Variants in PHLPP2 observed in about 807,000 individuals in gnomAD.
The protein encoded by PHLPP2 is PH domain and leucine rich repeat protein phosphatase 2, also known as PH domain leucine-rich repeat-containing protein phosphatase 2.
Under a neutral mutation model 124.9 loss-of-function variants are expected in PHLPP2, and 66 were observed. That is an observed-to-expected ratio of 0.53 (90% CI 0.43 to 0.65). The LOEUF (loss-of-function observed/expected upper bound fraction) is 0.65. PHLPP2 is among the 30% of genes least tolerant of loss of function. The pLI is 0.00. For missense variants in PHLPP2, 1,685 were observed against 1,600.4 expected, an observed-to-expected ratio of 1.05 and a Z score of -0.90; for synonymous variants, 681 against 624.7, an observed-to-expected ratio of 1.09 and a Z score of -1.34.
chr16:71,700,895 C>A (rs1597012882), intron 3 of PHLPP2, among the ~76,000 whole-genome samples: 1 of 152,140 alleles, frequency 6.6e-6, no homozygotes, highest in East Asian at 1.9e-4. Context: ...TTATAAAAGA[C>A]ACTGAGGCCT....
chr16:71,676,656 A>G lies in PHLPP2; in HGVS notation c.1269-7T>C. Reference sequence around the variant, plus strand: ...GGTTTTCAAATGGTTCATCCTTAATACGCAGAAACAAGAAAATAATCATAA... The same window carrying G: ...GGTTTTCAAATGGTTCATCCTTAATGCGCAGAAACAAGAAAATAATCATAA... On this transcript the variant is annotated splice_region_variant and splice_polypyrimidine_tract_variant and intron_variant, in intron 8 of 18. Coordinates refer to ENST00000568954, the MANE Select transcript of PHLPP2 (RefSeq NM_015020.3). The G allele has an allele frequency of 6.3e-7, 1 of 1,588,786 alleles. No individual in the cohort carries two copies. Among genetic ancestry groups the G allele is most frequent in the Non-Finnish European group, 8.6e-7 (1 of 1,156,910 alleles).
At chr16:71,690,379 A>G (rs1046616709) in intron 4 of PHLPP2, 140 bp downstream of exon 4, 1 of 652,346 alleles carries the variant, frequency 1.5e-6, no homozygotes, top group Non-Finnish European at 2.7e-6. Flanking sequence ...GAACCTCTGA[A>G]ACAGTCTCTG....
rs1196852003 is a variant in PHLPP2 at position 71,649,347 on chromosome 16, T to C, written c.3515A>G (p.His1172Arg). Residue 1172 changes from histidine to arginine, a missense_variant, in exon 19 of 19, where the codon CAC becomes CGC. His to Arg is a conservative substitution (Grantham distance 29, BLOSUM62 0). Coordinates refer to ENST00000568954, the MANE Select transcript of PHLPP2 (RefSeq NM_015020.3). ...GSKVEVEVDIHCCRGRDLENS... is the reference protein window; with the variant it reads ...GSKVEVEVDIRCCRGRDLENS... ...CTCCAGATCCCTCCCCCTGCAGCAG[T>C]GGATGTCTACTTCCACCTCTACCTT... 1 of 1,613,474 alleles carries C rather than the reference T, an allele frequency of 6.2e-7. No homozygotes were observed. The highest frequency in any genetic ancestry group is 2.2e-5 in the East Asian group (1 of 44,886).
Position 71,652,891 on chromosome 16 carries a change from A to C in PHLPP2, c.2716T>G (p.Cys906Gly), listed in dbSNP as rs1414729483. Residue 906 changes from cysteine to glycine, a missense_variant, in exon 18 of 19, where the codon TGC becomes GGC. Coordinates refer to ENST00000568954, the MANE Select transcript of PHLPP2 (RefSeq NM_015020.3). The stretch of plus-strand genomic sequence containing the variant: ...AGGGGCACTGGCTTCCCACCTCGGC[A>C]CAGGACTGCTTGGCACGTGCCAACA... Reference protein sequence around the residue: ...ANVGTCQAVLCRGGKPVPLSK... With the variant: ...ANVGTCQAVLGRGGKPVPLSK... 1.9e-6 allele frequency: 3 copies of C among 1,613,994 alleles called. No individual in the cohort carries two copies. Among genetic ancestry groups the C allele is most frequent in the Non-Finnish European group, 2.5e-6 (3 of 1,180,026 alleles).
rs1187804499 is a variant in PHLPP2 at position 71,649,950 on chromosome 16, G to A, written c.2912C>T (p.Thr971Ile). 1.9e-6 allele frequency: 3 copies of A among 1,614,052 alleles called. No homozygotes were observed. Among genetic ancestry groups the A allele is most frequent in the Non-Finnish European group, 2.5e-6 (3 of 1,180,030 alleles). ...WILPKPHISSTPLTIQDELLI... is the reference protein window; with the variant it reads ...WILPKPHISSIPLTIQDELLI... ...CAACTCATCTTGAATGGTCAGCGGA[G>A]TGGAAGATATGTGGGGCTTGGGGAG... The change falls in exon 19 of 19, where the codon ACT becomes ATT. Residue 971 changes from threonine (T) to isoleucine (I), a missense_variant. Coordinates refer to ENST00000568954, the MANE Select transcript of PHLPP2 (RefSeq NM_015020.3).
At chr16:71,692,308 A>G (rs1345119125) in intron 3 of PHLPP2, among the ~76,000 whole-genome samples, 1 of 152,064 alleles carries the variant, frequency 6.6e-6, no homozygotes, top group Non-Finnish European at 1.5e-5. Context: ...TGACCTCGTG[A>G]TCCGCCTGCC....
Position 71,684,686 on chromosome 16 carries a change from C to A in PHLPP2, c.610-85G>T, listed in dbSNP as rs78717128. On this transcript the variant is annotated intron_variant, in intron 4 of 18. Transcript: ENST00000568954. The stretch of plus-strand genomic sequence containing the variant: ...CAAAAGGCAATCACAAGACGAACAA[C>A]TGAATTTTTAAAAATAGTTATTTTT... The A allele has an allele frequency of 1.4e-3, 1,858 of 1,295,828 alleles. 60 individuals carry two copies. The East Asian group carries it at 0.042, about 30-fold the overall frequency. 80.3% of individuals were successfully genotyped at this position (1,295,828 alleles called of 1,614,324 possible).
At chr16:71,670,291 T>G (rs889625861) in intron 10 of PHLPP2, among the ~76,000 whole-genome samples, 1 of 151,992 alleles carries the variant, frequency 6.6e-6, no homozygotes, top group African/African-American at 2.4e-5. Flanking sequence ...TCACGTCCAA[T>G]GAAGTATAGC....
chr16:71,679,239 T>C, intron 7 of PHLPP2, 150 bp downstream of exon 7: 1 of 704,782 alleles, frequency 1.4e-6, no homozygotes, highest in South Asian at 1.8e-5. Context: ...GGCAGGTATA[T>C]CTCTGAGGTC....
At chr16:71,715,831 AAAAAAAAAC>A (rs1469720974) in intron 1 of PHLPP2, among the ~76,000 whole-genome samples, 1 of 150,606 alleles carries the variant, frequency 6.6e-6, no homozygotes, top group African/African-American at 2.5e-5. Context: ...TACAAAAAAA[AAAAAAAAAC>A]AAAAAATTAG....
chr16:71,712,118 G>C (rs1170113636), intron 2 of PHLPP2, among the ~76,000 whole-genome samples: 2 of 152,330 alleles, frequency 1.3e-5, no homozygotes, highest in Admixed American at 1.3e-4. Flanking sequence ...TTATTGTGAG[G>C]ATTTAATGAG....
chr16:71,680,262 T>C (rs1331032561), intron 6 of PHLPP2, among the ~76,000 whole-genome samples: 4 of 152,268 alleles, frequency 2.6e-5, no homozygotes, highest in Admixed American at 2.0e-4. Context: ...AGCTAACAAA[T>C]AGGTAGATCA....
At chr16:71,658,091 C>T (rs2044756975) in intron 15 of PHLPP2, 142 bp downstream of exon 15, 1 of 658,042 alleles carries the variant, frequency 1.5e-6, no homozygotes, top group African/African-American at 1.8e-5. Flanking sequence ...ATAACTTAAT[C>T]AAAGAAGAGA....
At chr16:71,711,296 A>G (rs974857499) in intron 2 of PHLPP2, among the ~76,000 whole-genome samples, 3 of 150,360 alleles carry the variant, frequency 2.0e-5, no homozygotes, top group Non-Finnish European at 4.4e-5. Flanking sequence ...GCACCACTGC[A>G]CTCCAGCCTG....
chr16:71,652,769 C>T (rs372251763), intron 18 of PHLPP2, 21 bp downstream of exon 18: 3 of 1,563,478 alleles, frequency 1.9e-6, no homozygotes, highest in Non-Finnish European at 2.6e-6. Flanking sequence ...GCAGAAGTGA[C>T]TGGCGGGGAG....
chr16:71,719,792 C>T (rs1334799727), intron 1 of PHLPP2, among the ~76,000 whole-genome samples: 1 of 151,424 alleles, frequency 6.6e-6, no homozygotes, highest in African/African-American at 2.4e-5. Context: ...TTCAATTTTA[C>T]ACTTTTGTTT....
chr16:71,702,849 G>T, intron 2 of PHLPP2, 118 bp from the exon 3 acceptor site: 1 of 609,354 alleles, frequency 1.6e-6, no homozygotes, highest in Non-Finnish European at 2.8e-6. Flanking sequence ...TCTGTCACAT[G>T]AATATACTGC....
At chr16:71,683,776 TCA>T (rs2045025845) in intron 5 of PHLPP2, among the ~76,000 whole-genome samples, 1 of 152,190 alleles carries the variant, frequency 6.6e-6, no homozygotes, top group Non-Finnish European at 1.5e-5. Flanking sequence ...GGGAATAAGT[TCA>T]GTTTCTTTTC....
At chr16:71,674,418 C>T (rs2044924962) in intron 9 of PHLPP2, among the ~76,000 whole-genome samples, 1 of 150,028 alleles carries the variant, frequency 6.7e-6, no homozygotes, top group African/African-American at 2.5e-5. Context: ...AAATACCACA[C>T]ATACCAAGAG....
Sources: gnomAD v4.1 joint callset for allele counts (sites outside exome capture counted in the v4.1 genomes callset) on GRCh38, gnomAD v4.1.1 for gene constraint, MANE v1.5 for transcripts, NCBI Gene and HGNC (gene_info 2026-07-23, HGNC 2026-07-21) for gene names.